MSTO1: variants seen among roughly 807,000 people sequenced by gnomAD.
MSTO1 encodes protein misato homolog 1.
Under a neutral mutation model 55.7 loss-of-function variants are expected in MSTO1, and 24 were observed. That is an observed-to-expected ratio of 0.43 (90% CI 0.31 to 0.61). The LOEUF (loss-of-function observed/expected upper bound fraction) is 0.61, where lower values mean the gene tolerates loss of function less well. Ranked by LOEUF, MSTO1 falls within the 20% of genes least tolerant of loss-of-function variation. The pLI is 0.09. For missense variants in MSTO1, 363 were observed against 625.7 expected, an observed-to-expected ratio of 0.58 and a Z score of 4.48; for synonymous variants, 162 against 252.8, an observed-to-expected ratio of 0.64 and a Z score of 3.41.
chr1:155,586,403 A>G, the MSTO1 span, among the ~76,000 whole-genome samples: 1 of 151,954 alleles, frequency 6.6e-6, no homozygotes, highest in South Asian at 2.1e-4. Flanking sequence ...CATGGTTTTA[A>G]TTAGCATTAC....
the MSTO1 span, among the ~76,000 whole-genome samples, chr1:155,598,208 C>T: frequency 6.6e-6 from 1 of 151,774 alleles, no homozygotes; most frequent in Non-Finnish European, 1.5e-5. Context: ...CCTCTGCCTC[C>T]CTGGTTCAAG....
Position 155,613,560 on chromosome 1 carries a change from T to G in MSTO1, c.1382T>G (p.Val461Gly). 1.2e-6 allele frequency: 2 copies of G among 1,610,854 alleles called. No individual in the cohort carries two copies. Among genetic ancestry groups the G allele is most frequent in the Non-Finnish European group, 1.7e-6 (2 of 1,178,202 alleles). The stretch of plus-strand genomic sequence containing the variant: ...TATTTACAACAGCAGCAGCCTGGAG[T>G]CATGAGGTCAGTGTAACGGTTGCTC... ...AQYLQQQQPGVMSSSHLLLTP... is the reference protein window; with the variant it reads ...AQYLQQQQPGGMSSSHLLLTP... Residue 461 changes from valine (V) to glycine (G), a missense_variant, in exon 12 of 14, where the codon GTC becomes GGC. Val to Gly is a moderately radical substitution (Grantham distance 109). Coordinates refer to ENST00000245564, the MANE Select transcript of MSTO1 (RefSeq NM_018116.4).
At chr1:155,603,482 TA>T in the MSTO1 span, among the ~76,000 whole-genome samples, 1 of 152,090 alleles carries the variant, frequency 6.6e-6, no homozygotes, top group South Asian at 2.1e-4. Flanking sequence ...CAGTAATTGG[TA>T]AAAGAGATAA....
chr1:155,566,489 G>C, the MSTO1 span, among the ~76,000 whole-genome samples: 1 of 152,050 alleles, frequency 6.6e-6, no homozygotes, highest in African/African-American at 2.4e-5. Flanking sequence ...AGAAAAATTA[G>C]CCAGGCCATG....
At chr1:155,596,941 CA>C in the MSTO1 span, among the ~76,000 whole-genome samples, 1 of 151,824 alleles carries the variant, frequency 6.6e-6, no homozygotes, top group Admixed American at 6.6e-5. Flanking sequence ...CATCTCTATC[CA>C]AAAAAAGTCA....
At chr1:155,566,261 T>G in the MSTO1 span, 1 of 152,240 alleles carries the variant, frequency 6.6e-6, no homozygotes, top group East Asian at 1.9e-4. Flanking sequence ...TCTGCTAGTT[T>G]GACATCCAGG....
the MSTO1 span, among the ~76,000 whole-genome samples, chr1:155,582,408 C>A: frequency 6.6e-6 from 1 of 152,136 alleles, no homozygotes; most frequent in Admixed American, 6.6e-5. Context: ...GCAAACATTC[C>A]TCTCTTTTGT....
At chr1:155,605,930 G>C (rs904478697), upstream of MSTO1, among the ~76,000 whole-genome samples, 1 of 152,228 alleles carries the variant, frequency 6.6e-6, no homozygotes, top group African/African-American at 2.4e-5. Flanking sequence ...TGAGGCCACT[G>C]TTATGCTAAT....
chr1:155,591,985 A>G, the MSTO1 span, among the ~76,000 whole-genome samples: 1 of 152,192 alleles, frequency 6.6e-6, no homozygotes, highest in Non-Finnish European at 1.5e-5. Flanking sequence ...TACTGTAGAA[A>G]TAGCACCACC....
chr1:155,600,729 G>T, the MSTO1 span, among the ~76,000 whole-genome samples: 1 of 152,042 alleles, frequency 6.6e-6, no homozygotes. Flanking sequence ...TGTATTTTTA[G>T]TATAGACAGG....
chr1:155,590,591 C>G, the MSTO1 span: 3 of 1,269,924 alleles, frequency 2.4e-6, no homozygotes, highest in Non-Finnish European at 3.3e-6. Context: ...AGCCCCCATT[C>G]ACTTCCATGT....
chr1:155,609,245 T>A (rs28690287), upstream of MSTO1, among the ~76,000 whole-genome samples: 423 of 67,474 alleles, frequency 6.3e-3, 2 homozygotes, highest in African/African-American at 0.021. Context: ...ATATATATAT[T>A]TTTTTTTTTT....
the MSTO1 span, among the ~76,000 whole-genome samples, chr1:155,604,418 A>T: frequency 6.6e-6 from 1 of 152,250 alleles, no homozygotes; most frequent in Non-Finnish European, 1.5e-5. Context: ...AACCAGTAAC[A>T]AAAAGAGAAG....
At chr1:155,569,113 C>T in the MSTO1 span, among the ~76,000 whole-genome samples, 4 of 151,820 alleles carry the variant, frequency 2.6e-5, no homozygotes, top group Admixed American at 6.6e-5. Flanking sequence ...CTCGGCCTCC[C>T]AAGGGTTTTT....
the MSTO1 span, among the ~76,000 whole-genome samples, chr1:155,600,556 C>CTTTTTTTTTTTTTTT: frequency 1.0e-3 from 153 of 149,894 alleles, 2 homozygotes; most frequent in African/African-American, 3.7e-3. Flanking sequence ...TTTTTTCTTT[C>CTTTTTTTTTTTTTTT]TTTTTTTTTG....
the MSTO1 span, among the ~76,000 whole-genome samples, chr1:155,576,590 G>A: frequency 6.6e-6 from 1 of 151,906 alleles, no homozygotes; most frequent in Non-Finnish European, 1.5e-5. Flanking sequence ...CTCCCAAAGT[G>A]CTGGGATTAC....
rs1266753918 is a variant in MSTO1 at position 155,612,532 on chromosome 1, C to T, written c.928C>T (p.Pro310Ser). 1.2e-6 allele frequency: 2 copies of T among 1,613,324 alleles called. No homozygotes were observed. Among genetic ancestry groups the T allele is most frequent in the Non-Finnish European group, 1.7e-6 (2 of 1,179,940 alleles). The change falls in exon 9 of 14, where the codon CCC (proline) becomes TCC (serine). Residue 310 changes from proline (P) to serine (S), a missense_variant. Coordinates refer to ENST00000245564, the MANE Select transcript of MSTO1 (RefSeq NM_018116.4). ...CTTGGGTGGGAGCCTGGGCCTGCGACCCGAGCCACCTGTCAGCTTCCCTTA... is the reference window on the plus strand; with the variant it reads ...CTTGGGTGGGAGCCTGGGCCTGCGATCCGAGCCACCTGTCAGCTTCCCTTA... ...LSLGGSLGLR[P>S]EPPVSFPYLH...
chr1:155,601,944 C>T, the MSTO1 span: 2 of 248,928 alleles, frequency 8.0e-6, no homozygotes, highest in South Asian at 3.9e-5. Context: ...TTAGTAGAGA[C>T]GGGGTTTCAC....
chr1:155,608,828 A>AT (rs553905468), upstream of MSTO1, among the ~76,000 whole-genome samples: 198 of 140,072 alleles, frequency 1.4e-3, no homozygotes, highest in African/African-American at 5.1e-3. Context: ...TTATTTTTTT[A>AT]TTTTTTATTT....
Sources: gnomAD v4.1 joint callset for allele counts (sites outside exome capture counted in the v4.1 genomes callset) on GRCh38, gnomAD v4.1.1 for gene constraint, MANE v1.5 for transcripts, NCBI Gene and HGNC (gene_info 2026-07-23, HGNC 2026-07-21) for gene names.